The following ZNF646 variants were observed in gnomAD, a reference collection of about 807,000 sequenced individuals.
ZNF646 encodes the protein zinc finger protein 646.
In ZNF646, 49 loss-of-function variants were observed where a neutral mutation model predicts 115.4. That is an observed-to-expected ratio of 0.42 (90% CI 0.34 to 0.54). The LOEUF is 0.54. Ranked by LOEUF, ZNF646 falls within the 20% of genes least tolerant of loss-of-function variation. ZNF646 has a pLI of 0.04. For missense variants in ZNF646, 2,269 were observed against 2,457.9 expected (o/e 0.92, Z 1.62); for synonymous variants, 933 against 939.0 (o/e 0.99, Z 0.12).
rs140004041 is a variant in ZNF646 at position 31,081,357 on chromosome 16, G to A, written c.5033G>A (p.Arg1678His). ...GCTGAGGACAAGGAGCGGCCCTTCCGCTGCACCCAGTGCGGGCGCTCCTAC... is the reference window on the plus strand; with the variant it reads ...GCTGAGGACAAGGAGCGGCCCTTCCACTGCACCCAGTGCGGGCGCTCCTAC... Reference protein sequence around the residue: ...MAAEDKERPFRCTQCGRSYRH... With the variant: ...MAAEDKERPFHCTQCGRSYRH... Residue 1678 changes from arginine to histidine, a missense_variant, in exon 2 of 3, where the codon CGC becomes CAC. Coordinates refer to ENST00000300850, the MANE Select transcript of ZNF646 (RefSeq NM_014699.4). 8 of 1,613,662 alleles carry A rather than the reference G, an allele frequency of 5.0e-6. No homozygotes were observed. The African/African-American group carries it at 5.3e-5, about 11-fold the overall frequency.
chr16:31,082,391 T>G (rs1250142987), intron 2 of ZNF646: 1 of 175,422 alleles, frequency 5.7e-6, no homozygotes, highest in African/African-American at 2.4e-5. Context: ...AAACCACCCT[T>G]TCTACCTGCG....
chr16:31,076,096 G>T, intron 1 of ZNF646, 150 bp from the exon 2 acceptor site: 2 of 497,124 alleles, frequency 4.0e-6, no homozygotes, highest in Non-Finnish European at 3.5e-6. Context: ...TTAAATGATG[G>T]TGCCTGCAGA....
At position 31,083,097 on chromosome 16, in the gene ZNF646, C is replaced by T; in HGVS notation, c.*5C>T. 1 of 1,602,056 alleles carries T rather than the reference C, an allele frequency of 6.2e-7. No individual in the cohort carries two copies. Among genetic ancestry groups the T allele is most frequent in the Admixed American group, 1.7e-5 (1 of 57,854 alleles). ...GACCTCAGCTTCTCCCTCTGAACTTCAAGTCTCCAAAGATCAGAATCTGGG... is the reference window on the plus strand; with the variant it reads ...GACCTCAGCTTCTCCCTCTGAACTTTAAGTCTCCAAAGATCAGAATCTGGG... On this transcript the variant is annotated 3_prime_UTR_variant, in exon 3 of 3. Coordinates refer to ENST00000300850, the MANE Select transcript of ZNF646 (RefSeq NM_014699.4).
rs776815003 is a variant in ZNF646, at chr16:31,077,894, A to C, written c.1570A>C (p.Ile524Leu). 1.2e-6 allele frequency: 2 copies of C among 1,613,766 alleles called. No homozygotes were observed. The highest frequency in any genetic ancestry group is 1.7e-6 in the Non-Finnish European group (2 of 1,180,022). Residue 524 changes from isoleucine (I) to leucine (L), a missense_variant, in exon 2 of 3, where the codon ATC (isoleucine) becomes CTC (leucine). Around this residue, in one of 5 missense-constraint regions of ZNF646, gnomAD observed 852 missense variants for 900.2 expected, o/e 0.95. Transcript: ENST00000300850. ...HCKAARRSAD[I>L]GAEGAPSHLK... ...CAAGGCTGCTCGCCGAAGTGCAGAC[A>C]TCGGGGCTGAGGGTGCCCCCAGCCA...
rs943662749 is a variant in ZNF646, at chr16:31,083,706, C to T, written c.*614C>T. On this transcript the variant is annotated 3_prime_UTR_variant, in exon 3 of 3. Transcript: ENST00000300850. ...GGGCCTGCCCTGGTGCCTGGAATCA[C>T]ACATGACAGGGTGGGGAGGACAGGG... 4 of 1,610,418 alleles carry T rather than the reference C, an allele frequency of 2.5e-6. No homozygotes were observed. The African/African-American group carries it at 5.3e-5, about 22-fold the overall frequency.
At chr16:31,075,379 C>T (rs2057063878) in intron 1 of ZNF646, among the ~76,000 whole-genome samples, 1 of 152,108 alleles carries the variant, frequency 6.6e-6, no homozygotes, top group Non-Finnish European at 1.5e-5. Context: ...CTCACTGCAA[C>T]CTCCACCTCC....
Position 31,083,033 on chromosome 16 carries a change from A to G in ZNF646, c.5440A>G (p.Thr1814Ala). 1 of 1,439,812 alleles carries G rather than the reference A, an allele frequency of 6.9e-7. No homozygotes were observed. Among genetic ancestry groups the G allele is most frequent in the Non-Finnish European group, 9.3e-7 (1 of 1,076,728 alleles). 89.2% of individuals were successfully genotyped at this position (1,439,812 alleles called of 1,614,324 possible). ...GCCATTGCCCCCTCCACCCACCCCCACGACCCCACTCCTGGATCCTTCACC... is the reference window on the plus strand; with the variant it reads ...GCCATTGCCCCCTCCACCCACCCCCGCGACCCCACTCCTGGATCCTTCACC... Reference protein sequence around the residue: ...DLPLPPPPTPTTPLLDPSPQW... With the variant: ...DLPLPPPPTPATPLLDPSPQW... Residue 1814 changes from threonine (T) to alanine (A), a missense_variant, in exon 3 of 3, where the codon ACG (threonine) becomes GCG (alanine). Physicochemically the swap from Thr to Ala is moderately conservative, Grantham distance 58. This residue lies in a region of ZNF646 where 1,062 missense variants were observed against 1,172.8 expected (regional missense o/e 0.91). Transcript: ENST00000300850.
chr16:31,077,271 A>G lies in ZNF646; in HGVS notation c.947A>G (p.His316Arg), dbSNP rs1304593437. The G allele has an allele frequency of 1.2e-6, 2 of 1,613,942 alleles. No homozygotes were observed. Among genetic ancestry groups the G allele is most frequent in the African/African-American group, 2.7e-5 (2 of 74,906 alleles). ...GAGCTGCTGGAACACCAGCAGTCCCATGAGGGTGAAAGGCAGGAGCCACGC... is the reference window on the plus strand; with the variant it reads ...GAGCTGCTGGAACACCAGCAGTCCCGTGAGGGTGAAAGGCAGGAGCCACGC... ...PRELLEHQQS[H>R]EGERQEPRWE... is the part of the protein sequence containing the mutation. The change falls in exon 2 of 3, where the codon CAT (histidine) becomes CGT (arginine). Residue 316 changes from histidine to arginine, a missense_variant. By Grantham distance (29) the His-to-Arg change is conservative (BLOSUM62 0). This residue lies in a region of ZNF646 where 852 missense variants were observed against 900.2 expected (regional missense o/e 0.95). Transcript: ENST00000300850.
In ZNF646 at chr16:31,078,042, C is replaced by G. The variant is rs1400438181; in HGVS notation, c.1718C>G (p.Ala573Gly). Reference sequence around the variant, plus strand: ...ATCACCCCAGCAGCAGACAAGACAGCAGCACATATCTGTAGCATCTGTGGG... The same window carrying G: ...ATCACCCCAGCAGCAGACAAGACAGGAGCACATATCTGTAGCATCTGTGGG... ...TDITPAADKT[A>G]AHICSICGLL... The change falls in exon 2 of 3, where the codon GCA becomes GGA. Residue 573 changes from alanine to glycine, a missense_variant. Physicochemically the swap from Ala to Gly is moderately conservative, Grantham distance 60. Around this residue, in one of 5 missense-constraint regions of ZNF646, gnomAD observed 852 missense variants for 900.2 expected, o/e 0.95. Coordinates refer to ENST00000300850, the MANE Select transcript of ZNF646 (RefSeq NM_014699.4). The G allele has an allele frequency of 3.1e-6, 5 of 1,614,196 alleles. No homozygotes were observed. In the African/African-American group the frequency reaches 6.7e-5, roughly 22 times the overall value.
Position 31,081,009 on chromosome 16 carries a change from GCT to G in ZNF646, c.4687_4688del (p.Ser1563GlnfsTer26), listed in dbSNP as rs1205564974. 1 of 1,614,036 alleles carries G rather than the reference GCT, an allele frequency of 6.2e-7. No individual in the cohort carries two copies. The highest frequency in any genetic ancestry group is 1.1e-5 in the South Asian group (1 of 91,088). On this transcript the variant is annotated frameshift_variant, in exon 2 of 3. Coordinates refer to ENST00000300850, the MANE Select transcript of ZNF646 (RefSeq NM_014699.4). LOFTEE classifies it high-confidence loss of function. ...ACAGACCGACACTATTGCCTGCTCT[GCT>G]CCAAGGAGTTCTTAAATCCTGTGGC...
At position 31,077,180 on chromosome 16, in the gene ZNF646, C is replaced by A. The variant is rs1020631589; in HGVS notation, c.856C>A (p.Arg286=). The stretch of plus-strand genomic sequence containing the variant: ...CCTCATGGCTCTGAAGAACCACTCT[C>A]GACTGCATGCCCAGTATCGGCCTTA... ...SNLMALKNHS[R]LHAQYRPYHC... Residue 286 remains arginine, a synonymous_variant, in exon 2 of 3, where the codon CGA becomes AGA. Transcript: ENST00000300850. 6.2e-7 allele frequency: 1 copy of A among 1,614,184 alleles called. No individual in the cohort carries two copies. Among genetic ancestry groups the A allele is most frequent in the Non-Finnish European group, 8.5e-7 (1 of 1,180,020 alleles).
chr16:31,081,602 C>G lies in ZNF646; in HGVS notation c.5278C>G (p.Pro1760Ala). The change falls in exon 2 of 3, where the codon CCT becomes GCT. Residue 1760 changes from proline (P) to alanine (A), a missense_variant. This residue lies in a region of ZNF646 where 1,062 missense variants were observed against 1,172.8 expected (regional missense o/e 0.91). Transcript: ENST00000300850. ...HGRVHAPREGPFTCPHCPRHF... is the reference protein window; with the variant it reads ...HGRVHAPREGAFTCPHCPRHF... ...GCGGGTCCATGCACCCCGGGAGGGG[C>G]CTTTCACCTGCCCCCATTGTCCCCG... 6.2e-7 allele frequency: 1 copy of G among 1,609,790 alleles called. No homozygotes were observed. Among genetic ancestry groups the G allele is most frequent in the Non-Finnish European group, 8.5e-7 (1 of 1,178,268 alleles).
Position 31,074,513 on chromosome 16 carries a change from C to A in ZNF646, c.-198C>A. 1 of 152,704 alleles carries A rather than the reference C, an allele frequency of 6.5e-6. No individual in the cohort carries two copies. The highest frequency in any genetic ancestry group is 1.5e-5 in the Non-Finnish European group (1 of 68,194). The allele number at this position is 152,704 out of a possible 1,614,324, so 9.5% of individuals were successfully genotyped here. On this transcript the variant is annotated 5_prime_UTR_variant, in exon 1 of 3. Transcript: ENST00000300850. ...TTCTCTACCTCCTTCCTCTTCCCCC[C>A]TTCTCCTTTCCCTCTTTCCCTTCCC...
rs3751856 is a variant in ZNF646 at position 31,080,277 on chromosome 16, G to A, written c.3953G>A (p.Arg1318Gln). Residue 1318 changes from arginine to glutamine, a missense_variant, in exon 2 of 3, where the codon CGG (arginine) becomes CAG (glutamine). By Grantham distance (43) the Arg-to-Gln change is conservative. This residue lies in a region of ZNF646 where 1,062 missense variants were observed against 1,172.8 expected (regional missense o/e 0.91). Transcript: ENST00000300850. ...YRHAGSLLNH[R>Q]RSHETGQYSC... is the part of the protein sequence containing the mutation. ...CACGCCGGCAGCCTCCTGAACCACC[G>A]GCGCAGCCACGAGACGGGCCAGTAC... 1,572 of 1,612,740 alleles carry A rather than the reference G, an allele frequency of 9.7e-4. 27 individuals are homozygous for A. In the East Asian group the frequency reaches 0.033, roughly 33 times the overall value.
chr16:31,079,289 G>T lies in ZNF646; in HGVS notation c.2965G>T (p.Ala989Ser). The change falls in exon 2 of 3, where the codon GCT becomes TCT. Residue 989 changes from alanine to serine, a missense_variant. Physicochemically the swap from Ala to Ser is moderately conservative, Grantham distance 99. Transcript: ENST00000300850. The surrounding 1 kb of genome is among the most constrained non-coding windows in gnomAD (Gnocchi z 5.5). ...GAGTTCTGGGACTACTGCAGACAAG[G>T]CTCCCAGCCCCTTGGGAGTGGCAGG... ...SQSSGTTADKAPSPLGVAGDA... is the reference protein window; with the variant it reads ...SQSSGTTADKSPSPLGVAGDA... 1 of 1,613,700 alleles carries T rather than the reference G, an allele frequency of 6.2e-7. No individual in the cohort carries two copies. The highest frequency in any genetic ancestry group is 1.1e-5 in the South Asian group (1 of 91,068).
Position 31,078,529 on chromosome 16 carries a change from A to C in ZNF646, c.2205A>C (p.Glu735Asp). ...GGGACTGTTTGCAGGCTGAATCTGA[A>C]GGGGACAAATGTGGGCTTGAGAGGG... Reference protein sequence around the residue: ...SDGDCLQAESEGDKCGLERDE... With the variant: ...SDGDCLQAESDGDKCGLERDE... Residue 735 changes from glutamate to aspartate, a missense_variant, in exon 2 of 3, where the codon GAA (glutamate) becomes GAC (aspartate). Glu to Asp is a conservative substitution (Grantham distance 45). Around this residue, in one of 5 missense-constraint regions of ZNF646, gnomAD observed 852 missense variants for 900.2 expected, o/e 0.95. Transcript: ENST00000300850. 1 of 1,596,930 alleles carries C rather than the reference A, an allele frequency of 6.3e-7. No homozygotes were observed. The highest frequency in any genetic ancestry group is 8.6e-7 in the Non-Finnish European group (1 of 1,169,002).
At chr16:31,081,796 A>G in intron 2 of ZNF646, 95 bp downstream of exon 2, 3 of 1,451,094 alleles carry the variant, frequency 2.1e-6, no homozygotes, top group East Asian at 2.5e-5. Context: ...GTGAGAGGAG[A>G]GAGCCCCGGG....
At chr16:31,081,834 C>A (rs1318847873) in intron 2 of ZNF646, 133 bp downstream of exon 2, 3 of 1,372,530 alleles carry the variant, frequency 2.2e-6, no homozygotes, top group Non-Finnish European at 2.9e-6. Context: ...GGGGGCTTGG[C>A]TATGGGGTGA....
rs775071373 is a variant in ZNF646, at chr16:31,079,056, A to G, written c.2732A>G (p.Glu911Gly). Residue 911 changes from glutamate (E) to glycine (G), a missense_variant, in exon 2 of 3, where the codon GAG becomes GGG. This residue lies in a region of ZNF646 where 852 missense variants were observed against 900.2 expected (regional missense o/e 0.95). Transcript: ENST00000300850. This position sits in a 1 kb window ranked among gnomAD's most constrained non-coding sequence, Gnocchi z 5.5. The stretch of plus-strand genomic sequence containing the variant: ...GCCCACAGCTCCTCTGGCATGACTG[A>G]GGGCTCAGAGGAGGAGGGGGAAGAG... ...RQAHSSSGMT[E>G]GSEEEGEEEG... 38 of 1,577,130 alleles carry G rather than the reference A, an allele frequency of 2.4e-5. 1 individual carries two copies. The South Asian group carries it at 4.4e-4, about 18-fold the overall frequency.
Sources: gnomAD v4.1 joint callset for allele counts (sites outside exome capture counted in the v4.1 genomes callset) on GRCh38, gnomAD v4.1.1 for gene constraint, gnomAD v4.1.1 regional missense constraint, Gnocchi (gnomAD v3.1) non-coding constraint, MANE v1.5 for transcripts, NCBI Gene and HGNC (gene_info 2026-07-23, HGNC 2026-07-21) for gene names.